The following COG7 variants were observed in gnomAD, a reference collection of about 807,000 sequenced individuals.
COG7 encodes component of oligomeric golgi complex 7, also known as conserved oligomeric Golgi complex subunit 7.
Under a neutral mutation model 91.5 loss-of-function variants are expected in COG7, and 49 were observed. That is an observed-to-expected ratio of 0.54 (90% CI 0.43 to 0.68). The LOEUF (loss-of-function observed/expected upper bound fraction) is 0.68. Among genes scored for constraint, COG7 ranks in the 30% least tolerant of loss-of-function variants. The probability of loss-of-function intolerance (pLI) is 0.00; values close to 1 mark genes in which losing one functional copy is unlikely to be tolerated. For missense variants in COG7, 895 were observed against 961.3 expected (o/e 0.93, Z 0.91); for synonymous variants, 365 against 388.7 (o/e 0.94, Z 0.72).
chr16:23,451,725 C>CAAAAA (rs34572078), intron 1 of COG7, among the ~76,000 whole-genome samples: 4 of 78,330 alleles, frequency 5.1e-5, no homozygotes, highest in Non-Finnish European at 8.7e-5. Flanking sequence ...GACCCTGTCT[C>CAAAAA]AAAAAAAAAA....
chr16:23,452,466 G>C (rs1041374584), intron 1 of COG7, among the ~76,000 whole-genome samples: 1 of 152,108 alleles, frequency 6.6e-6, no homozygotes, highest in African/African-American at 2.4e-5. Flanking sequence ...CTAGCGACTC[G>C]AGAGGCGAGA....
intron 1 of COG7, among the ~76,000 whole-genome samples, chr16:23,451,357 G>A (rs1380130303): frequency 6.6e-6 from 1 of 152,142 alleles, no homozygotes; most frequent in African/African-American, 2.4e-5. Context: ...TAAAAGTCAA[G>A]TTGAGGAGTT....
intron 4 of COG7, among the ~76,000 whole-genome samples, chr16:23,438,730 C>CAA (rs58582122): frequency 3.0e-4 from 45 of 149,076 alleles, no homozygotes; most frequent in Middle Eastern, 3.4e-3. Context: ...GGCTATAATC[C>CAA]AAAAAAAAAC....
chr16:23,392,414 G>A lies in COG7; in HGVS notation c.2112C>T (p.Ser704=), dbSNP rs1963213918. 4 of 1,614,070 alleles carry A rather than the reference G, an allele frequency of 2.5e-6. No individual in the cohort carries two copies. The South Asian group carries it at 4.4e-5, about 18-fold the overall frequency. The change falls in exon 16 of 17, where the codon AGC becomes AGT. Residue 704 remains serine, a synonymous_variant. Coordinates refer to ENST00000307149, the MANE Select transcript of COG7 (RefSeq NM_153603.4). ...CDAILQIPEL[S]PHSAKQLATD... Reference sequence around the variant, plus strand: ...TGGCCAGCTGCTTGGCAGAGTGTGGGCTCAGCTCAGGGATCTGTAGGATCG... The same window carrying A: ...TGGCCAGCTGCTTGGCAGAGTGTGGACTCAGCTCAGGGATCTGTAGGATCG...
Position 23,442,330 on chromosome 16 carries a change from T to C in COG7, c.604+147A>G, listed in dbSNP as rs1253393484. On this transcript the variant is annotated intron_variant, in intron 4 of 16. Coordinates refer to ENST00000307149, the MANE Select transcript of COG7 (RefSeq NM_153603.4). ...GCCTCGGTGACAGAGAAAGACTCCG[T>C]CTCAAAAAAAAAAAAAAAAAAAATT... 4 of 713,030 alleles carry C rather than the reference T, an allele frequency of 5.6e-6. No individual in the cohort carries two copies. The African/African-American group carries it at 7.0e-5, about 12-fold the overall frequency. 44.2% of individuals were successfully genotyped at this position (713,030 alleles called of 1,614,324 possible).
At chr16:23,447,920 T>A (rs1964207521) in intron 1 of COG7, among the ~76,000 whole-genome samples, 2 of 151,756 alleles carry the variant, frequency 1.3e-5, no homozygotes, top group African/African-American at 4.8e-5. Context: ...AATAAATAAA[T>A]AAAAATAAAA....
chr16:23,436,484 A>C (rs1964015260), intron 4 of COG7, among the ~76,000 whole-genome samples: 2 of 152,166 alleles, frequency 1.3e-5, no homozygotes, highest in Admixed American at 1.3e-4. Flanking sequence ...CTATAATCCC[A>C]GTACTTTGGG....
intron 12 of COG7, among the ~76,000 whole-genome samples, chr16:23,405,501 C>A (rs1963444549): frequency 6.6e-6 from 1 of 151,784 alleles, no homozygotes; most frequent in South Asian, 2.1e-4. Context: ...GATCTAAACC[C>A]ACATTCTCTT....
At chr16:23,445,733 T>C (rs2142096228) in intron 2 of COG7, 80 bp downstream of exon 2, 4 of 1,431,126 alleles carry the variant, frequency 2.8e-6, no homozygotes, top group East Asian at 2.3e-5. Context: ...ACCGTGCTGT[T>C]CTAAAGCCCT....
Position 23,410,361 on chromosome 16 carries a change from C to T in COG7, c.1410-1G>A. On this transcript the variant is annotated splice_acceptor_variant, in intron 10 of 16. Transcript: ENST00000307149. LOFTEE classifies it high-confidence loss of function. ...AAGCTCTCCACAGGTGGCTATTATCCTAAACAAAACAAAAAGCACTTCAAG... is the reference window on the plus strand; with the variant it reads ...AAGCTCTCCACAGGTGGCTATTATCTTAAACAAAACAAAAAGCACTTCAAG... 6.2e-7 allele frequency: 1 copy of T among 1,613,692 alleles called. No individual in the cohort carries two copies. The highest frequency in any genetic ancestry group is 8.5e-7 in the Non-Finnish European group (1 of 1,179,760).
At chr16:23,393,432 CAG>C in intron 14 of COG7, 85 bp from the exon 15 acceptor site, 2 of 1,034,912 alleles carry the variant, frequency 1.9e-6, no homozygotes, top group Non-Finnish European at 3.0e-6. Context: ...AGGCAAACGG[CAG>C]AGAGACAAAA....
chr16:23,413,061 GT>G, intron 10 of COG7: 1 of 273,580 alleles, frequency 3.7e-6, no homozygotes, highest in South Asian at 4.0e-5. Context: ...ATGTACCATG[GT>G]TCTCAGATCC....
intron 12 of COG7, among the ~76,000 whole-genome samples, chr16:23,404,975 G>A (rs765819279): frequency 4.6e-5 from 7 of 151,812 alleles, no homozygotes; most frequent in Non-Finnish European, 8.8e-5. Flanking sequence ...TGTCTCCTCT[G>A]TCTATCACCA....
chr16:23,403,150 A>T (rs1002017103), intron 13 of COG7, among the ~76,000 whole-genome samples: 1 of 152,198 alleles, frequency 6.6e-6, no homozygotes, highest in African/African-American at 2.4e-5. Context: ...AATAATTCGG[A>T]CAACCAGAAA....
intron 7 of COG7, 106 bp from the exon 8 acceptor site, chr16:23,418,933 C>T (rs969050507): frequency 2.1e-6 from 2 of 959,906 alleles, no homozygotes; most frequent in Non-Finnish European, 3.3e-6. Flanking sequence ...CCCATTTGAT[C>T]TCCAGAGGGG....
chr16:23,403,009 TGGCC>T (rs1963402912), intron 13 of COG7, among the ~76,000 whole-genome samples: 1 of 152,214 alleles, frequency 6.6e-6, no homozygotes, highest in Admixed American at 6.5e-5. Context: ...GGAATCCAAA[TGGCC>T]CTGAAGGGTC....
intron 13 of COG7, among the ~76,000 whole-genome samples, chr16:23,401,017 C>T (rs1963367991): frequency 6.6e-6 from 1 of 151,312 alleles, no homozygotes; most frequent in Non-Finnish European, 1.5e-5. Flanking sequence ...CACTTGAGGG[C>T]AATAGGGAAA....
intron 14 of COG7, among the ~76,000 whole-genome samples, chr16:23,395,216 C>T (rs1224862106): frequency 1.3e-5 from 2 of 152,174 alleles, no homozygotes; most frequent in Non-Finnish European, 2.9e-5. Context: ...ACTTACCTCA[C>T]TAATAACAAC....
chr16:23,444,349 C>G (rs1964149301), intron 3 of COG7, among the ~76,000 whole-genome samples: 1 of 151,836 alleles, frequency 6.6e-6, no homozygotes, highest in Non-Finnish European at 1.5e-5. Context: ...TCCTTACATC[C>G]CAGGTGGAAA....
Sources: allele counts gnomAD v4.1 joint callset (sites outside exome capture counted in the v4.1 genomes callset), GRCh38; gene constraint gnomAD v4.1.1; transcripts MANE v1.5; gene names NCBI Gene and HGNC (gene_info 2026-07-23, HGNC 2026-07-21).